The following PGGT1B variants were observed in gnomAD, a reference collection of about 807,000 sequenced individuals.
PGGT1B encodes protein geranylgeranyltransferase type I subunit beta.
PGGT1B carries 30 observed loss-of-function variants against 46.1 expected under a neutral mutation model. That is an observed-to-expected ratio of 0.65 (90% CI 0.49 to 0.88). The LOEUF (loss-of-function observed/expected upper bound fraction) is 0.88, where lower values mean the gene tolerates loss of function less well. Ranked by LOEUF, PGGT1B falls within the 40% of genes least tolerant of loss-of-function variation. PGGT1B has a pLI of 0.00. For missense variants in PGGT1B, 376 were observed against 455.9 expected (o/e 0.82, Z 1.60); for synonymous variants, 170 against 160.0 (o/e 1.06, Z -0.47).
intron 1 of PGGT1B, among the ~76,000 whole-genome samples, chr5:115,257,784 T>C (rs1238305965): frequency 1.3e-5 from 2 of 152,188 alleles, no homozygotes; most frequent in Non-Finnish European, 1.5e-5. Flanking sequence ...GACTACATCA[T>C]ATTGCATCTA....
Position 115,211,624 on chromosome 5 carries a change from C to T in PGGT1B, c.*778G>A, listed in dbSNP as rs1756230065. On this transcript the variant is annotated 3_prime_UTR_variant, in exon 9 of 9. Coordinates refer to ENST00000419445, the MANE Select transcript of PGGT1B (RefSeq NM_005023.4). ...AAAAAAAAAAAAAAAAAAAAAAAGG[C>T]AACTAATGATTTGAGAATAAAATCA... The T allele has an allele frequency of 1.7e-5, 2 of 120,244 alleles. No individual in the cohort carries two copies. Among genetic ancestry groups the T allele is most frequent in the Non-Finnish European group, 3.4e-5 (2 of 58,536 alleles). 7.4% of individuals were successfully genotyped at this position (120,244 alleles called of 1,614,324 possible).
At chr5:115,240,269 T>C (rs1027359786) in intron 3 of PGGT1B, among the ~76,000 whole-genome samples, 22 of 152,212 alleles carry the variant, frequency 1.4e-4, no homozygotes, top group African/African-American at 4.6e-4. Context: ...TTACTCCTGT[T>C]ATTTTGAAAA....
chr5:115,235,073 G>C (rs1192324828), intron 5 of PGGT1B, among the ~76,000 whole-genome samples: 4 of 151,942 alleles, frequency 2.6e-5, no homozygotes, highest in Non-Finnish European at 4.4e-5. Flanking sequence ...AAAAGTAGAA[G>C]ATAAACCTGG....
At chr5:115,250,778 A>G (rs1748059781) in intron 2 of PGGT1B, among the ~76,000 whole-genome samples, 1 of 152,200 alleles carries the variant, frequency 6.6e-6, no homozygotes, top group African/African-American at 2.4e-5. Flanking sequence ...GTACATGACT[A>G]GCACTCCAGA....
At chr5:115,221,611 T>C (rs1175500081) in intron 7 of PGGT1B, among the ~76,000 whole-genome samples, 3 of 151,996 alleles carry the variant, frequency 2.0e-5, no homozygotes, top group African/African-American at 7.2e-5. Flanking sequence ...CTGGGTTACT[T>C]GAGTTTTCCA....
At chr5:115,237,333 T>C (rs1757214966) in intron 4 of PGGT1B, among the ~76,000 whole-genome samples, 1 of 152,058 alleles carries the variant, frequency 6.6e-6, no homozygotes, top group Non-Finnish European at 1.5e-5. Context: ...AGACTTAAAA[T>C]TTTTTTTCTA....
At chr5:115,238,797 G>T (rs1398954254) in intron 3 of PGGT1B, among the ~76,000 whole-genome samples, 1 of 152,106 alleles carries the variant, frequency 6.6e-6, no homozygotes, top group Non-Finnish European at 1.5e-5. Context: ...CAAGGTTATT[G>T]TGACGATTAA....
rs1362724882 is a variant in PGGT1B, at chr5:115,222,007, T to G, written c.660A>C (p.Gly220=). The G allele has an allele frequency of 6.5e-7, 1 of 1,548,640 alleles. No individual in the cohort carries two copies. Among genetic ancestry groups the G allele is most frequent in the Non-Finnish European group, 8.7e-7 (1 of 1,150,334 alleles). Residue 220 remains glycine, a splice_region_variant and synonymous_variant, in exon 7 of 9, where the codon GGA becomes GGC. Coordinates refer to ENST00000419445, the MANE Select transcript of PGGT1B (RefSeq NM_005023.4). ...LAQGAGLESH[G]GSTFCGIASL... ...AGGCAATGCCACAAAAAGTTGATCC[T>G]CCTGTTAATCAAAACCACACAACGT...
chr5:115,262,534 A>T, intron 1 of PGGT1B, 178 bp downstream of exon 1: 1 of 671,446 alleles, frequency 1.5e-6, no homozygotes, highest in Non-Finnish European at 2.5e-6. Context: ...AGCCTTCCAG[A>T]CCTTCCCACC....
intron 8 of PGGT1B, 41 bp downstream of exon 8, chr5:115,216,824 A>G: frequency 1.0e-6 from 1 of 960,512 alleles, no homozygotes; most frequent in Non-Finnish European, 1.7e-6. Context: ...AGATCTATTC[A>G]GGAAATAAAG....
At chr5:115,251,251 A>G (rs1748081689) in intron 2 of PGGT1B, among the ~76,000 whole-genome samples, 1 of 152,066 alleles carries the variant, frequency 6.6e-6, no homozygotes, top group Non-Finnish European at 1.5e-5. Context: ...ATTTTTGTGA[A>G]CCCTTGTTAT....
In PGGT1B at chr5:115,241,519, C is replaced by G; in HGVS notation, c.327+20G>C. ...ATCCCTACATCCCTTCTACTTCCTT[C>G]TGAACCAAATAGAACCAACCTTTGA... On this transcript the variant is annotated intron_variant, in intron 3 of 8. Coordinates refer to ENST00000419445, the MANE Select transcript of PGGT1B (RefSeq NM_005023.4). The G allele has an allele frequency of 6.5e-7, 1 of 1,539,258 alleles. No homozygotes were observed. The highest frequency in any genetic ancestry group is 8.8e-7 in the Non-Finnish European group (1 of 1,130,396).
intron 3 of PGGT1B, 105 bp downstream of exon 3, chr5:115,241,434 T>C (rs376229850): frequency 4.0e-5 from 23 of 568,856 alleles, no homozygotes; most frequent in East Asian, 1.6e-4. Context: ...TTTAGCCACA[T>C]TGAAATCTGG....
At chr5:115,256,543 T>C (rs1019577051) in intron 1 of PGGT1B, among the ~76,000 whole-genome samples, 4 of 152,208 alleles carry the variant, frequency 2.6e-5, no homozygotes, top group African/African-American at 4.8e-5. Context: ...AACAGAGTTA[T>C]GGTGAATGGC....
intron 7 of PGGT1B, among the ~76,000 whole-genome samples, chr5:115,221,566 T>C (rs1756590589): frequency 6.6e-6 from 1 of 152,034 alleles, no homozygotes; most frequent in African/African-American, 2.4e-5. Context: ...TAATATGTTC[T>C]ATGTAAGGTT....
chr5:115,260,645 AG>A (rs1447981588), intron 1 of PGGT1B, among the ~76,000 whole-genome samples: 1 of 152,232 alleles, frequency 6.6e-6, no homozygotes, highest in Non-Finnish European at 1.5e-5. Context: ...TGACATATGC[AG>A]TTATCTTAAA....
At chr5:115,212,890 T>G (rs910580323) in intron 8 of PGGT1B, among the ~76,000 whole-genome samples, 1 of 152,230 alleles carries the variant, frequency 6.6e-6, no homozygotes, top group Admixed American at 6.5e-5. Context: ...CAGTCATATG[T>G]AAGACTTCTC....
At position 115,204,975 on chromosome 5, in the gene PGGT1B, T is replaced by C. The variant is rs1756020608; in HGVS notation, c.*7427A>G. On this transcript the variant is annotated 3_prime_UTR_variant, in exon 9 of 9. Coordinates refer to ENST00000419445, the MANE Select transcript of PGGT1B (RefSeq NM_005023.4). The stretch of plus-strand genomic sequence containing the variant: ...AACAGAATCTCATTTGTGGGTGTTC[T>C]AGTGTGGTACTCAATTGCTGAAACT... 1.3e-5 allele frequency: 2 copies of C among 152,192 alleles called. No homozygotes were observed. The highest frequency in any genetic ancestry group is 4.1e-4 in the South Asian group (2 of 4,832). The allele number at this position is 152,192 out of a possible 1,614,324, so 9.4% of individuals were successfully genotyped here.
chr5:115,215,188 G>T (rs1191299147), intron 8 of PGGT1B, among the ~76,000 whole-genome samples: 1 of 151,968 alleles, frequency 6.6e-6, no homozygotes, highest in Non-Finnish European at 1.5e-5. Context: ...GGTAGAGACG[G>T]GGTCTCGCCA....
Sources: allele counts gnomAD v4.1 joint callset (sites outside exome capture counted in the v4.1 genomes callset), GRCh38; gene constraint gnomAD v4.1.1; transcripts MANE v1.5; gene names NCBI Gene and HGNC (gene_info 2026-07-23, HGNC 2026-07-21).